Variants in MAD1L1 observed in about 807,000 individuals in gnomAD.
MAD1L1 encodes mitotic spindle assembly checkpoint protein MAD1.
A neutral mutation model predicts 96.9 loss-of-function variants in MAD1L1; 95 were observed. That is an observed-to-expected ratio of 0.98 (90% CI 0.83 to 1.16). The LOEUF is 1.16. MAD1L1 is among the 50% of genes most tolerant of loss of function. The probability of loss-of-function intolerance (pLI) is 0.00; values close to 1 mark genes in which losing one functional copy is unlikely to be tolerated. For missense variants in MAD1L1, 1,007 were observed against 954.4 expected, an observed-to-expected ratio of 1.06 and a Z score of -0.73; for synonymous variants, 473 against 396.6, an observed-to-expected ratio of 1.19 and a Z score of -2.29.
chr7:2,213,617 C>T (rs1793101948), intron 9 of MAD1L1, among the ~76,000 whole-genome samples: 1 of 152,194 alleles, frequency 6.6e-6, no homozygotes, highest in Non-Finnish European at 1.5e-5. Context: ...AGCCTCGGGT[C>T]CTTGAGCCGT....
chr7:1,948,044 G>C (rs1016895248), intron 16 of MAD1L1, among the ~76,000 whole-genome samples: 5 of 152,172 alleles, frequency 3.3e-5, no homozygotes, highest in African/African-American at 1.2e-4. Context: ...ACTGGATGGG[G>C]GTAGGACAGA....
chr7:1,874,349 G>A (rs571542563), intron 18 of MAD1L1, among the ~76,000 whole-genome samples: 1 of 152,286 alleles, frequency 6.6e-6, no homozygotes, highest in Admixed American at 6.5e-5. Context: ...GCTTGGGATG[G>A]TCAGGGAAGC....
chr7:1,915,985 G>A (rs868154188), intron 17 of MAD1L1, among the ~76,000 whole-genome samples: 17 of 152,344 alleles, frequency 1.1e-4, no homozygotes, highest in South Asian at 1.0e-3. Context: ...CAATCCAGTC[G>A]AAAATGGCAG....
In MAD1L1 at chr7:2,189,275, TAGTTAAA is replaced by T. The variant is rs370410757; in HGVS notation, c.986+23930_986+23936del. ...GAAAGCAATGTAGTGGCTCCTAAAA[TAGTTAAA>T]AGTTGAACCACAGGATCCAGCAGGT... On this transcript the variant is annotated intron_variant, in intron 10 of 18. Transcript: ENST00000265854. Among the ~76,000 whole-genome samples the T allele has an allele frequency of 6.6e-5, 10 of 152,204 alleles. 1 individual carries two copies. Among genetic ancestry groups the T allele is most frequent in the African/African-American group, 2.4e-4 (10 of 41,532 alleles).
chr7:1,906,231 C>A (rs925940600), intron 17 of MAD1L1, among the ~76,000 whole-genome samples: 1 of 152,112 alleles, frequency 6.6e-6, no homozygotes, highest in Non-Finnish European at 1.5e-5. Context: ...CCCCGAACCC[C>A]AAGCAGCCTC....
intron 17 of MAD1L1, among the ~76,000 whole-genome samples, chr7:1,900,612 G>A (rs1189768618): frequency 2.0e-5 from 3 of 152,304 alleles, no homozygotes; most frequent in East Asian, 1.9e-4. Flanking sequence ...TGATCCTCCC[G>A]AAGATGGGGC....
chr7:2,091,896 G>A (rs181763284), intron 11 of MAD1L1, among the ~76,000 whole-genome samples: 1 of 152,250 alleles, frequency 6.6e-6, no homozygotes, highest in East Asian at 1.9e-4. Flanking sequence ...TCTGTTACAG[G>A]GTGTTGTGGT....
At chr7:2,207,871 G>A (rs1003846530) in intron 10 of MAD1L1, among the ~76,000 whole-genome samples, 1 of 152,110 alleles carries the variant, frequency 6.6e-6, no homozygotes, top group African/African-American at 2.4e-5. Context: ...TCTGAAGGGG[G>A]CACAGATGTG....
intron 12 of MAD1L1, among the ~76,000 whole-genome samples, chr7:2,015,000 G>A (rs1286399113): frequency 3.9e-5 from 6 of 152,230 alleles, no homozygotes; most frequent in African/African-American, 7.2e-5. Context: ...AGGCGAGGGC[G>A]CACAGTGGGC....
chr7:2,071,634 G>A (rs1785133059), intron 11 of MAD1L1, among the ~76,000 whole-genome samples: 1 of 152,174 alleles, frequency 6.6e-6, no homozygotes, highest in Non-Finnish European at 1.5e-5. Flanking sequence ...CTAAGCTGGG[G>A]AAGGAGAGGG....
intron 17 of MAD1L1, among the ~76,000 whole-genome samples, chr7:1,900,301 C>T (rs1297598049): frequency 6.6e-6 from 1 of 152,254 alleles, no homozygotes; most frequent in African/African-American, 2.4e-5. Flanking sequence ...ACGTTAGCAG[C>T]ATCCAGATGT....
At position 1,855,371 on chromosome 7, in the gene MAD1L1, C is replaced by CT. The variant is rs1447949726; in HGVS notation, c.1999-39144dup. Among the ~76,000 whole-genome samples, 4 of 152,020 alleles carry CT rather than the reference C, an allele frequency of 2.6e-5. No homozygotes were observed. The East Asian group carries it at 7.8e-4, about 29-fold the overall frequency. Reference sequence around the variant, plus strand: ...CGACAAGCTGAGCATTCCCCAGGTGCTTAAGTTCCGCTTCCTTCTGCTTGA... The same window carrying CT: ...CGACAAGCTGAGCATTCCCCAGGTGCTTTAAGTTCCGCTTCCTTCTGCTTGA... On this transcript the variant is annotated intron_variant, in intron 18 of 18. Coordinates refer to ENST00000265854, the MANE Select transcript of MAD1L1 (RefSeq NM_001013836.2).
At chr7:1,854,704 C>T (rs1351159228) in intron 18 of MAD1L1, among the ~76,000 whole-genome samples, 1 of 152,174 alleles carries the variant, frequency 6.6e-6, no homozygotes. Context: ...GCCCCTGTCC[C>T]CACAGAACCC....
intron 17 of MAD1L1, among the ~76,000 whole-genome samples, chr7:1,922,238 C>T (rs1376431338): frequency 1.3e-5 from 2 of 152,242 alleles, no homozygotes; most frequent in Non-Finnish European, 2.9e-5. Flanking sequence ...GGCCGCGCCG[C>T]GTCTTTACTG....
intron 18 of MAD1L1, among the ~76,000 whole-genome samples, chr7:1,885,694 C>T (rs1278612852): frequency 6.6e-6 from 1 of 152,232 alleles, no homozygotes; most frequent in African/African-American, 2.4e-5. Context: ...TGCCCACTCA[C>T]CTGGCCCCGT....
chr7:2,138,562 T>A (rs1341343028), intron 11 of MAD1L1, among the ~76,000 whole-genome samples: 7 of 152,134 alleles, frequency 4.6e-5, no homozygotes, highest in Admixed American at 4.6e-4. Context: ...TTCCGGCTTG[T>A]TAGGAGAAGT....
intron 15 of MAD1L1, among the ~76,000 whole-genome samples, chr7:1,976,448 C>T (rs1272277413): frequency 1.3e-5 from 2 of 152,000 alleles, no homozygotes; most frequent in Non-Finnish European, 2.9e-5. Flanking sequence ...GTTGTTCGTT[C>T]CTCCCAGTGG....
chr7:1,911,013 T>A (rs575718130), intron 17 of MAD1L1, among the ~76,000 whole-genome samples: 2 of 152,172 alleles, frequency 1.3e-5, no homozygotes, highest in African/African-American at 4.8e-5. Context: ...TCCTTTCAAG[T>A]GGCCTCAGCT....
intron 11 of MAD1L1, among the ~76,000 whole-genome samples, chr7:2,122,607 A>C (rs1207341775): frequency 1.3e-5 from 2 of 152,196 alleles, no homozygotes; most frequent in East Asian, 3.9e-4. Flanking sequence ...GTTTCAAAAA[A>C]AAAAACAGCC....
Sources: gnomAD v4.1 joint callset for allele counts (sites outside exome capture counted in the v4.1 genomes callset) on GRCh38, gnomAD v4.1.1 for gene constraint, MANE v1.5 for transcripts, NCBI Gene and HGNC (gene_info 2026-07-23, HGNC 2026-07-21) for gene names.